Variants in GABPA observed in about 807,000 individuals in gnomAD.
The protein encoded by GABPA is GA binding protein transcription factor subunit alpha.
A neutral mutation model predicts 59.4 loss-of-function variants in GABPA; 4 were observed. The ratio of observed to expected loss-of-function variants is 0.07; its 90% CI spans 0.03 to 0.15. The LOEUF is 0.15. Ranked by LOEUF, GABPA falls within the 10% of genes least tolerant of loss-of-function variation. The probability of loss-of-function intolerance (pLI) is 1.00; values close to 1 mark genes in which losing one functional copy is unlikely to be tolerated. For synonymous variants in GABPA, 164 were observed against 183.1 expected, an observed-to-expected ratio of 0.90 and a Z score of 0.84; for missense variants, 251 against 543.8, an observed-to-expected ratio of 0.46 and a Z score of 5.36.
At chr21:25,743,870 C>G (rs747602708) in intron 2 of GABPA, among the ~76,000 whole-genome samples, 2 of 151,736 alleles carry the variant, frequency 1.3e-5, no homozygotes, top group Non-Finnish European at 2.9e-5. Context: ...GGCCAACATG[C>G]CAGTCTCTAC....
intron 2 of GABPA, among the ~76,000 whole-genome samples, chr21:25,743,901 A>C (rs2035290559): frequency 6.6e-6 from 1 of 151,964 alleles, no homozygotes; most frequent in African/African-American, 2.4e-5. Context: ...AAAATTAGCT[A>C]GGCATGGTGG....
rs138014763 is a variant in GABPA, at chr21:25,764,617, A to G, written c.966A>G (p.Leu322=). The G allele has an allele frequency of 8.1e-6, 13 of 1,611,942 alleles. No individual in the cohort carries two copies. In the African/African-American group the frequency reaches 1.3e-4, roughly 17 times the overall value. Residue 322 remains leucine, a synonymous_variant, in exon 9 of 10, where the codon CTA becomes CTG. Transcript: ENST00000400075. ...NRTGNNGQIQ[L]WQFLLELLTD... is the part of the protein sequence containing the mutation. ...TAGGAAACAATGGCCAAATCCAACT[A>G]TGGCAGTTTTTGCTAGAACTTCTTA... is the stretch of plus-strand genomic sequence containing the variant.
Position 25,745,215 on chromosome 21 carries a change from T to C in GABPA, c.83T>C (p.Val28Ala). 1.2e-6 allele frequency: 2 copies of C among 1,612,782 alleles called. No homozygotes were observed. Among genetic ancestry groups the C allele is most frequent in the Non-Finnish European group, 1.7e-6 (2 of 1,179,862 alleles). ...CTTACATCTTTAACATTTAGCATTGTAGAACAAACCTACGCGCCAGCTGAA... is the reference window on the plus strand; with the variant it reads ...CTTACATCTTTAACATTTAGCATTGCAGAACAAACCTACGCGCCAGCTGAA... The part of the protein sequence containing the change: ...EKAECTEESI[V>A]EQTYAPAECV... The change falls in exon 3 of 10, where the codon GTA (valine) becomes GCA (alanine). Residue 28 changes from valine to alanine, a missense_variant. By Grantham distance (64) the Val-to-Ala change is moderately conservative. This residue lies in a region of GABPA where 207 missense variants were observed against 366.7 expected (regional missense o/e 0.56). Transcript: ENST00000400075.
At chr21:25,760,620 T>C (rs935475261) in intron 6 of GABPA, among the ~76,000 whole-genome samples, 2 of 152,162 alleles carry the variant, frequency 1.3e-5, no homozygotes, top group Non-Finnish European at 2.9e-5. Flanking sequence ...TGTGAATCTC[T>C]GTCTTCTGTC....
chr21:25,762,952 C>G (rs950465440), intron 7 of GABPA: 5 of 367,312 alleles, frequency 1.4e-5, no homozygotes, highest in African/African-American at 1.1e-4. Flanking sequence ...CAGGGCAAAC[C>G]CTTCGCCGCC....
chr21:25,746,258 G>T (rs1601119587), intron 3 of GABPA, among the ~76,000 whole-genome samples: 1 of 152,030 alleles, frequency 6.6e-6, no homozygotes, highest in Non-Finnish European at 1.5e-5. Context: ...CAAGTGATCC[G>T]CCTGCCTTGG....
chr21:25,764,496 G>T, intron 8 of GABPA, 99 bp from the exon 9 acceptor site: 1 of 1,442,738 alleles, frequency 6.9e-7, no homozygotes, highest in Non-Finnish European at 9.5e-7. Flanking sequence ...AATTGTTTTT[G>T]CCATGGCTGA....
chr21:25,751,867 A>T (rs1480713258), intron 4 of GABPA, 122 bp from the exon 5 acceptor site: 3 of 957,576 alleles, frequency 3.1e-6, no homozygotes, highest in African/African-American at 3.3e-5. Context: ...GTTAACTTTT[A>T]CTACATTTGC....
intron 1 of GABPA, among the ~76,000 whole-genome samples, chr21:25,740,921 C>T (rs2123491398): frequency 6.6e-6 from 1 of 152,296 alleles, no homozygotes; most frequent in South Asian, 2.1e-4. Flanking sequence ...CATAGTTCAT[C>T]TCCATGTTAA....
chr21:25,765,571 A>G (rs972017592), intron 9 of GABPA, among the ~76,000 whole-genome samples: 5 of 151,880 alleles, frequency 3.3e-5, no homozygotes, highest in African/African-American at 1.2e-4. Context: ...TTACAGTATT[A>G]CGGCCATGTA....
rs1354838494 is a variant in GABPA at position 25,769,633 on chromosome 21, G to C, written c.*401G>C. 6.3e-6 allele frequency: 1 copy of C among 158,826 alleles called. No homozygotes were observed. Among genetic ancestry groups the C allele is most frequent in the Non-Finnish European group, 1.4e-5 (1 of 71,546 alleles). The allele number at this position is 158,826 out of a possible 1,614,324, so 9.8% of individuals were successfully genotyped here. On this transcript the variant is annotated 3_prime_UTR_variant, in exon 10 of 10. Transcript: ENST00000400075. ...GAAAATATAACTGTTTCCCCTCTCTGCTGCTTTAGATGTTGCTTTACATAG... is the reference window on the plus strand; with the variant it reads ...GAAAATATAACTGTTTCCCCTCTCTCCTGCTTTAGATGTTGCTTTACATAG...
At chr21:25,745,859 AT>A (rs2035349716) in intron 3 of GABPA, among the ~76,000 whole-genome samples, 1 of 152,200 alleles carries the variant, frequency 6.6e-6, no homozygotes, top group Admixed American at 6.5e-5. Context: ...ATAATATGTT[AT>A]GTCTGAAACA....
rs558559953 is a variant in GABPA at position 25,771,094 on chromosome 21, C to A, written c.*1862C>A. The A allele has an allele frequency of 7.2e-5, 11 of 152,002 alleles. No individual in the cohort carries two copies. The highest frequency in any genetic ancestry group is 2.1e-4 in the South Asian group (1 of 4,824). 9.4% of individuals were successfully genotyped at this position (152,002 alleles called of 1,614,324 possible). A position where few individuals can be genotyped will look rare whatever the true frequency, so the allele number is the denominator to read the frequency against. On this transcript the variant is annotated 3_prime_UTR_variant, in exon 10 of 10. Coordinates refer to ENST00000400075, the MANE Select transcript of GABPA (RefSeq NM_002040.4). ...AGGTTTTGCACCATCCTCTTACGGC[C>A]TAGAGAGTTGACAAGTTGCTTGTAG...
At chr21:25,740,484 C>T (rs1396693424) in intron 1 of GABPA, among the ~76,000 whole-genome samples, 1 of 152,310 alleles carries the variant, frequency 6.6e-6, no homozygotes, top group South Asian at 2.1e-4. Flanking sequence ...TGACCTACTG[C>T]GAGGTAGTTA....
chr21:25,768,040 G>T (rs147091455), intron 9 of GABPA, among the ~76,000 whole-genome samples: 56 of 152,140 alleles, frequency 3.7e-4, no homozygotes, highest in African/African-American at 1.2e-3. Context: ...TTTGCAATCT[G>T]CCAGTCGTGG....
chr21:25,748,943 C>G (rs1472386994), intron 3 of GABPA, 93 bp from the exon 4 acceptor site: 1 of 756,554 alleles, frequency 1.3e-6, no homozygotes, highest in African/African-American at 1.8e-5. Context: ...TAATTAAGTT[C>G]TGTTTGGTAC....
Position 25,770,016 on chromosome 21 carries a change from T to A in GABPA, c.*784T>A, listed in dbSNP as rs1268483546. ...ATCTCTGTTTTTCCTGTCAGAGATT[T>A]AAAAAACTGAAAAGGTATACCTCAA... On this transcript the variant is annotated 3_prime_UTR_variant, in exon 10 of 10. Coordinates refer to ENST00000400075, the MANE Select transcript of GABPA (RefSeq NM_002040.4). 1.3e-5 allele frequency: 2 copies of A among 152,590 alleles called. No homozygotes were observed. The highest frequency in any genetic ancestry group is 3.8e-4 in the East Asian group (2 of 5,200). The allele number at this position is 152,590 out of a possible 1,614,324, so 9.5% of individuals were successfully genotyped here.
chr21:25,753,647 CAG>C (rs1042516065), intron 5 of GABPA, among the ~76,000 whole-genome samples: 8 of 152,086 alleles, frequency 5.3e-5, no homozygotes, highest in African/African-American at 1.9e-4. Context: ...TAAATTTAGA[CAG>C]AAGTAACTAG....
At chr21:25,751,930 T>G in intron 4 of GABPA, 59 bp from the exon 5 acceptor site, 1 of 1,562,144 alleles carries the variant, frequency 6.4e-7, no homozygotes, top group Middle Eastern at 1.7e-4. Context: ...ACTAAATTAT[T>G]TTTTGGTGAC....
Sources: allele counts gnomAD v4.1 joint callset (sites outside exome capture counted in the v4.1 genomes callset), GRCh38; gene constraint gnomAD v4.1.1; regional missense constraint gnomAD v4.1.1; transcripts MANE v1.5; gene names NCBI Gene and HGNC (gene_info 2026-07-23, HGNC 2026-07-21).